TMEM63C: variants seen among roughly 807,000 people sequenced by gnomAD.
TMEM63C encodes the protein transmembrane protein 63C.
TMEM63C carries 32 observed loss-of-function variants against 99.2 expected under a neutral mutation model. That is an observed-to-expected ratio of 0.32 (90% CI 0.24 to 0.43). The LOEUF is 0.43. Ranked by LOEUF, TMEM63C falls within the 20% of genes least tolerant of loss-of-function variation. The probability of loss-of-function intolerance (pLI) is 1.00; values close to 1 mark genes in which losing one functional copy is unlikely to be tolerated. For synonymous variants in TMEM63C, 376 were observed against 397.9 expected, an observed-to-expected ratio of 0.94 and a Z score of 0.66; for missense variants, 826 against 1,053.0, an observed-to-expected ratio of 0.78 and a Z score of 2.98.
rs77447506 is a variant in TMEM63C, at chr14:77,220,863, C to T, written c.312+776C>T. Among the ~76,000 whole-genome samples, 430 of 129,734 alleles carry T rather than the reference C, an allele frequency of 3.3e-3. 46 individuals carry two copies. In the East Asian group the frequency reaches 0.11, roughly 34 times the overall value. The allele number at this position is 129,734 out of a possible 152,430, so 85.1% of individuals were successfully genotyped here. A position where few individuals can be genotyped will look rare whatever the true frequency, so the allele number is the denominator to read the frequency against. ...TCACCACTTCCTCACCTCTCACTCA[C>T]GCCCCGCCTCCCACTCACGCCCCGC... On this transcript the variant is annotated intron_variant, in intron 5 of 23. Coordinates refer to ENST00000298351, the MANE Select transcript of TMEM63C (RefSeq NM_020431.4).
intron 1 of TMEM63C, among the ~76,000 whole-genome samples, chr14:77,201,416 G>A (rs893701276): frequency 6.6e-6 from 1 of 152,224 alleles, no homozygotes; most frequent in African/African-American, 2.4e-5. Flanking sequence ...ATCAGCTTGA[G>A]GCTGCCTTTT....
intron 5 of TMEM63C, among the ~76,000 whole-genome samples, chr14:77,220,905 G>A (rs958103392): frequency 1.2e-3 from 8 of 6,850 alleles, no homozygotes; most frequent in East Asian, 9.3e-3. Context: ...CTCACGCCCC[G>A]CCTCCCACTC....
chr14:77,192,798 G>A (rs1888132309), intron 1 of TMEM63C, among the ~76,000 whole-genome samples: 1 of 151,670 alleles, frequency 6.6e-6, no homozygotes, highest in Non-Finnish European at 1.5e-5. Flanking sequence ...AGGAGGAGGA[G>A]GAGGAAGAGG....
chr14:77,242,311 AG>A, intron 13 of TMEM63C, 35 bp from the exon 14 acceptor site: 4 of 1,001,452 alleles, frequency 4.0e-6, no homozygotes, highest in East Asian at 3.9e-5. Context: ...CCCCACCCCC[AG>A]ACCCACATTT....
chr14:77,186,776 G>GGTGTGTGTGTGTGTGTGTGTGTGTGT lies in TMEM63C; in HGVS notation c.-77+4906_-77+4907insGTGTGTGTGTGTGTGTGTGTGTGTGT, dbSNP rs750331360. The stretch of plus-strand genomic sequence containing the variant: ...GGGGGAATCTTCTCAGAACCAAAGG[G>GGTGTGTGTGTGTGTGTGTGTGTGTGT]GTGTGTGTGTGTGTGTGTGTGTGTC... On this transcript the variant is annotated intron_variant, in intron 1 of 23. Transcript: ENST00000298351. Among the ~76,000 whole-genome samples, 155 of 138,512 alleles carry GGTGTGTGTGTGTGTGTGTGTGTGTGT rather than the reference G, an allele frequency of 1.1e-3. 2 individuals are homozygous for GGTGTGTGTGTGTGTGTGTGTGTGTGT. The highest frequency in any genetic ancestry group is 3.7e-3 in the African/African-American group (133 of 36,190). The allele number at this position is 138,512 out of a possible 152,430, so 90.9% of individuals were successfully genotyped here.
intron 1 of TMEM63C, among the ~76,000 whole-genome samples, chr14:77,182,496 C>T (rs1034524363): frequency 6.6e-6 from 1 of 152,194 alleles, no homozygotes; most frequent in Non-Finnish European, 1.5e-5. Context: ...GGATGAAGGC[C>T]CTGGGGAAAC....
At chr14:77,194,332 ATATATGTGTGTGTGTG>A (rs1334030215) in intron 1 of TMEM63C, among the ~76,000 whole-genome samples, 19 of 59,408 alleles carry the variant, frequency 3.2e-4, no homozygotes, top group Admixed American at 1.5e-3. Flanking sequence ...ATAGATATAT[ATATATGTGTGTGTGTG>A]TGTGTGTGTG....
At chr14:77,190,497 T>A (rs190554681) in intron 1 of TMEM63C, among the ~76,000 whole-genome samples, 1 of 152,132 alleles carries the variant, frequency 6.6e-6, no homozygotes. Context: ...AAAAATCTTA[T>A]GAATAGTGGT....
chr14:77,252,968 T>C (rs1176468956), intron 22 of TMEM63C, among the ~76,000 whole-genome samples: 1 of 152,170 alleles, frequency 6.6e-6, no homozygotes, highest in Non-Finnish European at 1.5e-5. Flanking sequence ...CTTTCCAAAT[T>C]AGAGGGGAAG....
At chr14:77,195,990 G>C (rs1888207702) in intron 1 of TMEM63C, 1 of 153,678 alleles carries the variant, frequency 6.5e-6, no homozygotes, top group African/African-American at 2.4e-5. Flanking sequence ...CTGGGCTTGG[G>C]AAGGAGCTGC....
Position 77,217,793 on chromosome 14 carries a change from G to C in TMEM63C, c.-13-1008G>C, listed in dbSNP as rs139789967. ...CCCTGGGCAGGTCCTGGTCTCCCTA[G>C]TTCAAATGCCTGGAAGACAGAGACC... On this transcript the variant is annotated intron_variant, in intron 2 of 23. Transcript: ENST00000298351. Among the ~76,000 whole-genome samples, 16 of 152,332 alleles carry C rather than the reference G, an allele frequency of 1.1e-4. No individual in the cohort carries two copies. In the East Asian group the frequency reaches 2.7e-3, roughly 26 times the overall value.
At chr14:77,198,529 G>A (rs888096816) in intron 1 of TMEM63C, among the ~76,000 whole-genome samples, 3 of 152,214 alleles carry the variant, frequency 2.0e-5, no homozygotes, top group Admixed American at 6.5e-5. Context: ...CAGAGCCACT[G>A]CACGCATGGA....
intron 2 of TMEM63C, among the ~76,000 whole-genome samples, chr14:77,215,597 T>C (rs1888565432): frequency 1.7e-4 from 1 of 5,848 alleles, no homozygotes; most frequent in Non-Finnish European, 3.2e-4. Flanking sequence ...TGAGACTCTG[T>C]CTCAAAAAAA....
At chr14:77,183,456 C>A (rs1263621628) in intron 1 of TMEM63C, among the ~76,000 whole-genome samples, 1 of 152,154 alleles carries the variant, frequency 6.6e-6, no homozygotes, top group Non-Finnish European at 1.5e-5. Context: ...TGGTTACCTT[C>A]CCATCATGCC....
chr14:77,188,891 G>T (rs1966429), intron 1 of TMEM63C, among the ~76,000 whole-genome samples: 150,004 of 152,218 alleles, frequency 0.99, 73,948 homozygotes, highest in Middle Eastern at 1. Context: ...ATATCTGCAA[G>T]AATAGAATAA....
At chr14:77,225,392 G>T in intron 5 of TMEM63C, 32 bp from the exon 6 acceptor site, 1 of 1,611,408 alleles carries the variant, frequency 6.2e-7, no homozygotes, top group South Asian at 1.1e-5. Flanking sequence ...CAGGACCTGG[G>T]TTTTCTCACA....
chr14:77,231,713 A>G lies in TMEM63C; in HGVS notation c.476A>G (p.Tyr159Cys). ...CTGGGCATCATTTTGCCCATCAACT[A>G]TACTGGATCTGTTCTGGGTAGGCAA... Reference protein sequence around the residue: ...PSLGIILPINYTGSVLDWSSH... With the variant: ...PSLGIILPINCTGSVLDWSSH... Residue 159 changes from tyrosine to cysteine, a missense_variant, in exon 7 of 24, where the codon TAT (tyrosine) becomes TGT (cysteine). Tyr to Cys is a radical substitution (Grantham distance 194, BLOSUM62 -2). Transcript: ENST00000298351. 2 of 1,551,584 alleles carry G rather than the reference A, an allele frequency of 1.3e-6. No individual in the cohort carries two copies. The highest frequency in any genetic ancestry group is 8.7e-7 in the Non-Finnish European group (1 of 1,146,974).
At position 77,218,933 on chromosome 14, in the gene TMEM63C, C is replaced by T. The variant is rs147741741; in HGVS notation, c.120C>T (p.Thr40=). The change falls in exon 3 of 24, where the codon ACC becomes ACT. Residue 40 remains threonine (T), a synonymous_variant. Transcript: ENST00000298351. ...GGCAGCCCTTTGGGGGTGTCCCCAC[C>T]GTGCTGTGCCTCAACATCGCCCTGT... ...LQGQPFGGVP[T]VLCLNIALWV... is the part of the protein sequence containing the mutation. 1.1e-5 allele frequency: 18 copies of T among 1,604,672 alleles called. No homozygotes were observed. The highest frequency in any genetic ancestry group is 5.3e-5 in the African/African-American group (4 of 74,822).
rs767370636 is a variant in TMEM63C, at chr14:77,244,442, G to A, written c.1435G>A (p.Ala479Thr). The A allele has an allele frequency of 5.0e-6, 8 of 1,613,630 alleles. No homozygotes were observed. The Admixed American group carries it at 1.2e-4, about 24-fold the overall frequency. Reference sequence around the variant, plus strand: ...TGTCTACTTCTCCGCCTTCCTCGAGGCCCACTGGACCAGGTGACCTGGGGG... The same window carrying A: ...TGTCTACTTCTCCGCCTTCCTCGAGACCCACTGGACCAGGTGACCTGGGGG... ...LIVYFSAFLEAHWTRSSQNLV... is the reference protein window; with the variant it reads ...LIVYFSAFLETHWTRSSQNLV... The change falls in exon 16 of 24, where the codon GCC becomes ACC. Residue 479 changes from alanine to threonine, a missense_variant. Transcript: ENST00000298351.
Sources: gnomAD v4.1 joint callset for allele counts (sites outside exome capture counted in the v4.1 genomes callset) on GRCh38, gnomAD v4.1.1 for gene constraint, MANE v1.5 for transcripts, NCBI Gene and HGNC (gene_info 2026-07-23, HGNC 2026-07-21) for gene names.